CDC7: variants seen among roughly 807,000 people sequenced by gnomAD.
CDC7 encodes cell division cycle 7, also known as cell division cycle 7-related protein kinase.
CDC7 carries 34 observed loss-of-function variants against 53.5 expected under a neutral mutation model. The ratio of observed to expected loss-of-function variants is 0.64; its 90% CI spans 0.48 to 0.85. CDC7 has a LOEUF of 0.85. Among genes scored for constraint, CDC7 ranks in the 40% least tolerant of loss-of-function variants. The probability of loss-of-function intolerance (pLI) is 0.00; values close to 1 mark genes in which losing one functional copy is unlikely to be tolerated. For synonymous variants in CDC7, 211 were observed against 222.8 expected (o/e 0.95, Z 0.47); for missense variants, 594 against 679.7 (o/e 0.87, Z 1.40).
At chr1:91,505,160 GGAAACGGCAAGTACAAAGACCCT>G (rs1247758315) in intron 2 of CDC7, among the ~76,000 whole-genome samples, 46 of 152,154 alleles carry the variant, frequency 3.0e-4, no homozygotes, top group East Asian at 2.5e-3. Context: ...TCCAAACAGA[GGAAACGGCAAGTACAAAGACCCT>G]GAAACGGCAA....
intron 10 of CDC7, among the ~76,000 whole-genome samples, chr1:91,518,362 A>G (rs985130558): frequency 1.3e-5 from 2 of 152,176 alleles, no homozygotes; most frequent in African/African-American, 2.4e-5. Flanking sequence ...GAGCTACTAC[A>G]TGATCCAACA....
chr1:91,505,156 CAG>C (rs1177339146), intron 2 of CDC7, among the ~76,000 whole-genome samples: 2 of 152,020 alleles, frequency 1.3e-5, no homozygotes, highest in Non-Finnish European at 2.9e-5. Context: ...GCATTCCAAA[CAG>C]AGGAAACGGC....
At chr1:91,521,812 A>G (rs1409796542) in intron 11 of CDC7, among the ~76,000 whole-genome samples, 1 of 152,130 alleles carries the variant, frequency 6.6e-6, no homozygotes, top group Admixed American at 6.6e-5. Context: ...ACTCTAGATC[A>G]AGTGCCATGA....
Position 91,513,129 on chromosome 1 carries a change from A to C in CDC7, c.644A>C (p.Gln215Pro). The change falls in exon 7 of 12, where the codon CAG becomes CCG. Residue 215 changes from glutamine (Q) to proline (P), a missense_variant. Coordinates refer to ENST00000234626, the MANE Select transcript of CDC7 (RefSeq NM_003503.4). ...DTKIELLKFVQSEAQQERCSQ... is the reference protein window; with the variant it reads ...DTKIELLKFVPSEAQQERCSQ... ...AAAATAGAGCTTCTTAAATTTGTCC[A>C]GTCTGAAGCTCAGCAGGAAAGGTGT... 1 of 1,613,608 alleles carries C rather than the reference A, an allele frequency of 6.2e-7. No homozygotes were observed. The highest frequency in any genetic ancestry group is 8.5e-7 in the Non-Finnish European group (1 of 1,179,634).
chr1:91,520,596 C>T (rs1369874595), intron 11 of CDC7, among the ~76,000 whole-genome samples: 1 of 151,876 alleles, frequency 6.6e-6, no homozygotes, highest in Non-Finnish European at 1.5e-5. Flanking sequence ...ATAAATTTAC[C>T]TTTTATTAAA....
chr1:91,513,458 C>T, intron 7 of CDC7, 151 bp downstream of exon 7: 1 of 600,316 alleles, frequency 1.7e-6, no homozygotes, highest in East Asian at 2.8e-5. Context: ...TAAATTTTCA[C>T]TAAGATTTGT....
chr1:91,506,682 G>A (rs1463884101), intron 2 of CDC7, among the ~76,000 whole-genome samples: 1 of 152,132 alleles, frequency 6.6e-6, no homozygotes, highest in Admixed American at 6.6e-5. Context: ...AGGTGCGGCG[G>A]CTCACACCTG....
rs1668156954 is a variant in CDC7 at position 91,524,441 on chromosome 1, G to A, written c.*6G>A. On this transcript the variant is annotated 3_prime_UTR_variant, in exon 12 of 12. Coordinates refer to ENST00000234626, the MANE Select transcript of CDC7 (RefSeq NM_003503.4). The stretch of plus-strand genomic sequence containing the variant: ...TTAAAGATATGAGCTTGTGATAATG[G>A]ATCTTCATTTAATGTTTACTGTTAT... 17 of 1,588,322 alleles carry A rather than the reference G, an allele frequency of 1.1e-5. No homozygotes were observed. In the East Asian group the frequency reaches 3.3e-4, roughly 31 times the overall value.
In CDC7 at chr1:91,511,587, T is replaced by A. The variant is rs923049737; in HGVS notation, c.336-10T>A. 3.2e-6 allele frequency: 5 copies of A among 1,559,626 alleles called. No homozygotes were observed. The African/African-American group carries it at 6.8e-5, about 21-fold the overall frequency. On this transcript the variant is annotated splice_polypyrimidine_tract_variant and intron_variant, in intron 4 of 11. Coordinates refer to ENST00000234626, the MANE Select transcript of CDC7 (RefSeq NM_003503.4). ...TTCTTCTAAAAGTTCCTTGTGCATT[T>A]TTCCACTAGGGGGCAAGATAATGTC...
At chr1:91,506,810 C>T (rs1474976890) in intron 2 of CDC7, among the ~76,000 whole-genome samples, 4 of 152,034 alleles carry the variant, frequency 2.6e-5, no homozygotes, top group Non-Finnish European at 4.4e-5. Flanking sequence ...ATTAGCTGGG[C>T]GTGGTGTTGC....
chr1:91,515,679 C>G lies in CDC7; in HGVS notation c.1098-115C>G, dbSNP rs376475534. 325 of 1,163,056 alleles carry G rather than the reference C, an allele frequency of 2.8e-4. 3 individuals are homozygous for G. In the African/African-American group the frequency reaches 3.4e-3, roughly 12 times the overall value. 72.0% of individuals were successfully genotyped at this position (1,163,056 alleles called of 1,614,324 possible). A position where few individuals can be genotyped will look rare whatever the true frequency, so the allele number is the denominator to read the frequency against. On this transcript the variant is annotated intron_variant, in intron 9 of 11. Coordinates refer to ENST00000234626, the MANE Select transcript of CDC7 (RefSeq NM_003503.4). ...GATTATCATTTACTTTATAGTAACA[C>G]TTATTATATAGGTATCAAGGCAAAA...
chr1:91,502,001 C>A (rs1276142866), intron 2 of CDC7, among the ~76,000 whole-genome samples, 170 bp downstream of exon 2: 2 of 152,056 alleles, frequency 1.3e-5, no homozygotes, highest in Admixed American at 1.3e-4. Context: ...GACTGAATTG[C>A]GATTTGGAAG....
chr1:91,521,301 C>T lies in CDC7; in HGVS notation c.1330+1022C>T, dbSNP rs146840528. Among the ~76,000 whole-genome samples the T allele has an allele frequency of 1.6e-3, 241 of 152,310 alleles. 1 individual carries two copies. The highest frequency in any genetic ancestry group is 5.5e-3 in the African/African-American group (227 of 41,576). On this transcript the variant is annotated intron_variant, in intron 11 of 11. Coordinates refer to ENST00000234626, the MANE Select transcript of CDC7 (RefSeq NM_003503.4). ...CTCCAGCCTTGTTAGTTTGAAAAAG[C>T]AAGTGATTCTGACTAAGAAACTATG... is the stretch of plus-strand genomic sequence containing the variant.
At position 91,514,950 on chromosome 1, in the gene CDC7, CT is replaced by C; in HGVS notation, c.1051del (p.Cys351ValfsTer35). 5.6e-6 allele frequency: 9 copies of C among 1,613,912 alleles called. No homozygotes were observed. The highest frequency in any genetic ancestry group is 7.6e-6 in the Non-Finnish European group (9 of 1,179,852). On this transcript the variant is annotated frameshift_variant, in exon 9 of 12. Transcript: ENST00000234626. LOFTEE classifies it high-confidence loss of function. ...TASSCPASLT[C>X]DCYATDKVCS... ...CCAGTTCTTGCCCAGCTAGCCTGAC[CT>C]GTGACTGCTATGCAACAGATAAAGT... is the stretch of plus-strand genomic sequence containing the variant.
Position 91,524,550 on chromosome 1 carries a change from T to C in CDC7, c.*115T>C. The C allele has an allele frequency of 2.5e-6, 2 of 810,612 alleles. No homozygotes were observed. The highest frequency in any genetic ancestry group is 3.8e-6 in the Non-Finnish European group (2 of 525,126). The allele number at this position is 810,612 out of a possible 1,614,324, so 50.2% of individuals were successfully genotyped here. A position where few individuals can be genotyped will look rare whatever the true frequency, so the allele number is the denominator to read the frequency against. On this transcript the variant is annotated 3_prime_UTR_variant, in exon 12 of 12. Coordinates refer to ENST00000234626, the MANE Select transcript of CDC7 (RefSeq NM_003503.4). ...GCAGGATTAATAATTTATTTTAACA[T>C]TTTAGTGTTTGGTGGCACATTCTAA... is the stretch of plus-strand genomic sequence containing the variant.
At chr1:91,521,510 A>G (rs945196126) in intron 11 of CDC7, among the ~76,000 whole-genome samples, 4 of 152,226 alleles carry the variant, frequency 2.6e-5, no homozygotes, top group South Asian at 4.1e-4. Context: ...ATTGTAAGAA[A>G]ATTTTATTTG....
At chr1:91,508,003 G>A in intron 3 of CDC7, 66 bp downstream of exon 3, 2 of 1,316,626 alleles carry the variant, frequency 1.5e-6, no homozygotes, top group Non-Finnish European at 2.1e-6. Flanking sequence ...TCCTTTTTTA[G>A]TCTTGGTTTT....
Position 91,501,704 on chromosome 1 carries a change from C to G in CDC7, c.-13C>G. 1.2e-6 allele frequency: 2 copies of G among 1,602,040 alleles called. No individual in the cohort carries two copies. The highest frequency in any genetic ancestry group is 2.2e-5 in the South Asian group (2 of 90,786). Reference sequence around the variant, plus strand: ...ACCCCTTAGCTGGCATTTTGCATCTCAATTGGCTTGTGATGGAGGCGTCTT... The same window carrying G: ...ACCCCTTAGCTGGCATTTTGCATCTGAATTGGCTTGTGATGGAGGCGTCTT... On this transcript the variant is annotated 5_prime_UTR_variant, in exon 2 of 12. Transcript: ENST00000234626.
intron 10 of CDC7, among the ~76,000 whole-genome samples, chr1:91,517,183 T>G (rs1667603925): frequency 6.6e-6 from 1 of 152,126 alleles, no homozygotes; most frequent in African/African-American, 2.4e-5. Context: ...CTATATACTG[T>G]AGATATTGGA....
Sources: allele counts gnomAD v4.1 joint callset (sites outside exome capture counted in the v4.1 genomes callset), GRCh38; gene constraint gnomAD v4.1.1; transcripts MANE v1.5; gene names NCBI Gene and HGNC (gene_info 2026-07-23, HGNC 2026-07-21).